The following INPP4B variants were observed in gnomAD, a reference collection of about 807,000 sequenced individuals.
The protein encoded by INPP4B is inositol polyphosphate 4-phosphatase type II.
In INPP4B, 55 loss-of-function variants were observed where a neutral mutation model predicts 122.5. That is an observed-to-expected ratio of 0.45 (90% CI 0.36 to 0.56). The LOEUF is 0.56. INPP4B is among the 20% of genes least tolerant of loss of function. The pLI is 0.00. For synonymous variants in INPP4B, 403 were observed against 388.7 expected, an observed-to-expected ratio of 1.04 and a Z score of -0.43; for missense variants, 1,000 against 1,097.7, an observed-to-expected ratio of 0.91 and a Z score of 1.26.
chr4:142,802,858 A>G (rs1320744454), intron 1 of INPP4B, among the ~76,000 whole-genome samples: 2 of 151,740 alleles, frequency 1.3e-5, no homozygotes, highest in African/African-American at 2.4e-5. Flanking sequence ...TGAACGCGGT[A>G]TCTGGTAGGA....
At chr4:142,576,939 A>ACACATGC (rs1733982088) in intron 2 of INPP4B, among the ~76,000 whole-genome samples, 1 of 152,092 alleles carries the variant, frequency 6.6e-6, no homozygotes, top group African/African-American at 2.4e-5. Flanking sequence ...GTGTCCATGT[A>ACACATGC]CACATGCACA....
chr4:142,150,664 C>T (rs1273133034), intron 17 of INPP4B, among the ~76,000 whole-genome samples: 2 of 152,028 alleles, frequency 1.3e-5, no homozygotes, highest in East Asian at 3.9e-4. Context: ...GGGTTACAAC[C>T]TAAGGTAACA....
chr4:142,304,955 T>C (rs893731236), intron 9 of INPP4B, among the ~76,000 whole-genome samples: 1 of 152,158 alleles, frequency 6.6e-6, no homozygotes, highest in East Asian at 1.9e-4. Flanking sequence ...TTAGCTACGA[T>C]CTATTGTCTG....
At chr4:142,544,364 T>G (rs550271903) in intron 2 of INPP4B, among the ~76,000 whole-genome samples, 3 of 151,946 alleles carry the variant, frequency 2.0e-5, no homozygotes, top group African/African-American at 7.3e-5. Flanking sequence ...GAGGTGCTTC[T>G]TCTCAGTGGA....
At chr4:142,720,510 C>G (rs928411994) in intron 2 of INPP4B, among the ~76,000 whole-genome samples, 1 of 151,712 alleles carries the variant, frequency 6.6e-6, no homozygotes, top group South Asian at 2.1e-4. Flanking sequence ...TTGCACATAA[C>G]CTATGCACAT....
At chr4:142,491,995 T>C (rs1332248679) in intron 2 of INPP4B, among the ~76,000 whole-genome samples, 1 of 152,154 alleles carries the variant, frequency 6.6e-6, no homozygotes, top group African/African-American at 2.4e-5. Flanking sequence ...ATAATCCCCA[T>C]GTGTCTTGGG....
At chr4:142,639,375 C>T (rs1344244948) in intron 2 of INPP4B, among the ~76,000 whole-genome samples, 2 of 151,950 alleles carry the variant, frequency 1.3e-5, no homozygotes, top group African/African-American at 2.4e-5. Flanking sequence ...ACATCTGGTA[C>T]TAAAACTTTC....
chr4:142,226,632 C>A (rs192354200), intron 12 of INPP4B, among the ~76,000 whole-genome samples: 1 of 152,180 alleles, frequency 6.6e-6, no homozygotes, highest in African/African-American at 2.4e-5. Context: ...TGTGCGCCTG[C>A]AACATGAATC....
At chr4:142,441,668 T>G (rs1024165582) in intron 3 of INPP4B, among the ~76,000 whole-genome samples, 4 of 151,826 alleles carry the variant, frequency 2.6e-5, no homozygotes, top group African/African-American at 9.7e-5. Flanking sequence ...GGTGCAAAAA[T>G]ATTTAAGGGG....
At chr4:142,689,442 T>C (rs1369417667) in intron 2 of INPP4B, among the ~76,000 whole-genome samples, 2 of 152,186 alleles carry the variant, frequency 1.3e-5, no homozygotes, top group Non-Finnish European at 2.9e-5. Context: ...TAAATGACAT[T>C]TTTTGAAATT....
chr4:142,058,121 A>T (rs1578752726), intron 25 of INPP4B, among the ~76,000 whole-genome samples: 1 of 152,184 alleles, frequency 6.6e-6, no homozygotes, highest in South Asian at 2.1e-4. Context: ...AAGATCCTCT[A>T]GGGGAACTAA....
At chr4:142,455,425 C>G (rs1299866117) in intron 3 of INPP4B, among the ~76,000 whole-genome samples, 1 of 151,944 alleles carries the variant, frequency 6.6e-6, no homozygotes, top group Non-Finnish European at 1.5e-5. Context: ...ATTTGTCTTT[C>G]TGAGGTTGCC....
intron 1 of INPP4B, among the ~76,000 whole-genome samples, chr4:142,751,710 T>C (rs898442084): frequency 3.3e-5 from 5 of 152,050 alleles, no homozygotes; most frequent in African/African-American, 1.2e-4. Flanking sequence ...AGTACTATCT[T>C]GAAGTCAGCT....
intron 14 of INPP4B, among the ~76,000 whole-genome samples, chr4:142,195,796 T>C (rs1048080045): frequency 2.0e-5 from 3 of 152,198 alleles, no homozygotes; most frequent in Non-Finnish European, 4.4e-5. Context: ...AACTAACTTT[T>C]GCCAAATTTG....
chr4:142,150,071 A>G (rs1812983099), intron 17 of INPP4B, among the ~76,000 whole-genome samples: 1 of 152,212 alleles, frequency 6.6e-6, no homozygotes, highest in Non-Finnish European at 1.5e-5. Context: ...GAAAACATAC[A>G]CAGAGGAAAG....
chr4:142,119,701 C>T (rs13151216), intron 21 of INPP4B, among the ~76,000 whole-genome samples: 3,362 of 151,422 alleles, frequency 0.022, 54 homozygotes, highest in Non-Finnish European at 0.034. Flanking sequence ...ATGTAAATGA[C>T]GAGTTTATGG....
At chr4:142,431,704 G>A (rs1809342521) in intron 3 of INPP4B, among the ~76,000 whole-genome samples, 1 of 152,150 alleles carries the variant, frequency 6.6e-6, no homozygotes, top group Admixed American at 6.6e-5. Flanking sequence ...TTAGCAGCAA[G>A]AGCATGTAGC....
At chr4:142,806,351 C>T (rs1158733755) in intron 1 of INPP4B, among the ~76,000 whole-genome samples, 2 of 149,116 alleles carry the variant, frequency 1.3e-5, no homozygotes, top group African/African-American at 2.5e-5. Flanking sequence ...TATTTTCAGG[C>T]ACTTGATAAT....
intron 1 of INPP4B, among the ~76,000 whole-genome samples, chr4:142,753,732 T>A (rs1770081212): frequency 6.6e-6 from 1 of 152,040 alleles, no homozygotes; most frequent in Non-Finnish European, 1.5e-5. Context: ...TTTAAATAAA[T>A]TGTTTTCCCT....
Sources: gnomAD v4.1 joint callset for allele counts (sites outside exome capture counted in the v4.1 genomes callset) on GRCh38, gnomAD v4.1.1 for gene constraint, MANE v1.5 for transcripts, NCBI Gene and HGNC (gene_info 2026-07-23, HGNC 2026-07-21) for gene names.